HECW2: variants seen among roughly 807,000 people sequenced by gnomAD.
HECW2 encodes E3 ubiquitin-protein ligase HECW2.
A neutral mutation model predicts 175.2 loss-of-function variants in HECW2; 61 were observed. The ratio of observed to expected loss-of-function variants is 0.35; its 90% CI spans 0.28 to 0.43. HECW2 has a LOEUF of 0.43. Ranked by LOEUF, HECW2 falls within the 20% of genes least tolerant of loss-of-function variation. HECW2 has a pLI of 1.00. For missense variants in HECW2, 1,524 were observed against 2,000.5 expected (o/e 0.76, Z 4.54); for synonymous variants, 671 against 731.0 (o/e 0.92, Z 1.32).
chr2:196,400,709 A>G (rs1575502814), intron 2 of HECW2, among the ~76,000 whole-genome samples: 1 of 152,072 alleles, frequency 6.6e-6, no homozygotes, highest in East Asian at 1.9e-4. Context: ...CAGAAAGCAT[A>G]TTCTTATAAA....
chr2:196,411,606 G>C (rs767159565), intron 2 of HECW2, among the ~76,000 whole-genome samples: 1 of 152,256 alleles, frequency 6.6e-6, no homozygotes, highest in Non-Finnish European at 1.5e-5. Context: ...GCAGTACTGG[G>C]GCAGTGGGAA....
At chr2:196,561,242 G>A (rs555313431) in intron 1 of HECW2, among the ~76,000 whole-genome samples, 21 of 152,232 alleles carry the variant, frequency 1.4e-4, no homozygotes, top group Non-Finnish European at 2.5e-4. Flanking sequence ...GCAGATAAGG[G>A]ATAAAACACG....
At chr2:196,349,820 G>A (rs1693106773) in intron 2 of HECW2, among the ~76,000 whole-genome samples, 1 of 152,084 alleles carries the variant, frequency 6.6e-6, no homozygotes, top group Admixed American at 6.6e-5. Context: ...ATGACACAGA[G>A]AAACTTCTCA....
intron 1 of HECW2, among the ~76,000 whole-genome samples, chr2:196,589,795 T>C (rs1691119022): frequency 6.6e-6 from 1 of 152,218 alleles, no homozygotes; most frequent in South Asian, 2.1e-4. Flanking sequence ...CTCTCCCAAA[T>C]CAAAGGATTT....
At chr2:196,382,229 G>GTA (rs67160836) in intron 2 of HECW2, among the ~76,000 whole-genome samples, 14 of 90,934 alleles carry the variant, frequency 1.5e-4, no homozygotes, top group African/African-American at 3.8e-4. Context: ...GTGTGTGTGT[G>GTA]TATATATATA....
chr2:196,550,016 A>G (rs375804565), intron 1 of HECW2, among the ~76,000 whole-genome samples: 9 of 152,200 alleles, frequency 5.9e-5, no homozygotes, highest in South Asian at 2.1e-4. Flanking sequence ...AGAATCTTCA[A>G]TGTAACCTGC....
intron 1 of HECW2, among the ~76,000 whole-genome samples, chr2:196,521,121 G>A (rs2125433353): frequency 6.6e-6 from 1 of 151,966 alleles, no homozygotes; most frequent in East Asian, 1.9e-4. Context: ...TACATGGGAA[G>A]AATCAAAGCT....
At chr2:196,271,139 G>C in intron 17 of HECW2, 54 bp downstream of exon 17, 1 of 1,031,824 alleles carries the variant, frequency 9.7e-7, no homozygotes, top group Non-Finnish European at 1.5e-6. Context: ...GTAAAACTAA[G>C]ATTTAATGGT....
In HECW2 at chr2:196,496,408, G is replaced by GTA. The variant is rs3082160; in HGVS notation, c.-35-62952_-35-62951dup. On this transcript the variant is annotated intron_variant, in intron 1 of 28. Transcript: ENST00000644978. ...ACACTGATAAGCTCTTTCCATATAT[G>GTA]TATATATATATATAGTACATATATT... 6.8e-4 allele frequency among the ~76,000 whole-genome samples: 102 copies of GTA among 150,696 alleles called. 1 individual carries two copies. The highest frequency in any genetic ancestry group is 3.0e-3 in the Admixed American group (45 of 15,116).
chr2:196,592,298 G>A (rs951535056), intron 1 of HECW2, among the ~76,000 whole-genome samples: 1 of 152,050 alleles, frequency 6.6e-6, no homozygotes, highest in African/African-American at 2.4e-5. Flanking sequence ...GTTTAATATC[G>A]ATTGAACCCT....
intron 1 of HECW2, among the ~76,000 whole-genome samples, chr2:196,481,558 C>A (rs1191220452): frequency 1.3e-5 from 2 of 152,214 alleles, no homozygotes; most frequent in Non-Finnish European, 2.9e-5. Context: ...ATGGTTCAAG[C>A]CCTCAGGCTT....
At chr2:196,243,044 T>C (rs1188830900) in intron 19 of HECW2, among the ~76,000 whole-genome samples, 5 of 152,148 alleles carry the variant, frequency 3.3e-5, no homozygotes, top group Admixed American at 2.0e-4. Flanking sequence ...TTTAGACACA[T>C]AATTACATAA....
At chr2:196,220,487 G>A (rs1687626807) in intron 25 of HECW2, among the ~76,000 whole-genome samples, 1 of 152,100 alleles carries the variant, frequency 6.6e-6, no homozygotes, top group Admixed American at 6.6e-5. Context: ...ATTTCACATA[G>A]CAAGCATGAG....
At chr2:196,413,488 G>A (rs1311883821) in intron 2 of HECW2, among the ~76,000 whole-genome samples, 2 of 152,100 alleles carry the variant, frequency 1.3e-5, no homozygotes, top group Non-Finnish European at 2.9e-5. Flanking sequence ...TGGGATTACA[G>A]GCACGCACCA....
At chr2:196,438,588 C>G (rs1052894765) in intron 1 of HECW2, among the ~76,000 whole-genome samples, 8 of 152,138 alleles carry the variant, frequency 5.3e-5, no homozygotes, top group African/African-American at 1.7e-4. Context: ...CTCCATTGAT[C>G]AGAAAGACCC....
intron 1 of HECW2, among the ~76,000 whole-genome samples, chr2:196,526,070 T>G (rs1332837051): frequency 3.7e-4 from 20 of 53,430 alleles, no homozygotes; most frequent in African/African-American, 1.5e-3. Flanking sequence ...TCCTGCAGAG[T>G]GTTTTCCAAC....
At chr2:196,547,285 A>G (rs1467153533) in intron 1 of HECW2, among the ~76,000 whole-genome samples, 2 of 152,170 alleles carry the variant, frequency 1.3e-5, no homozygotes, top group African/African-American at 4.8e-5. Context: ...GGACTCAAGA[A>G]CAGGACCCTA....
At chr2:196,277,268 T>G (rs1300896351) in intron 15 of HECW2, among the ~76,000 whole-genome samples, 2 of 152,238 alleles carry the variant, frequency 1.3e-5, no homozygotes, top group Non-Finnish European at 2.9e-5. Context: ...CAGTTTTTAG[T>G]AATTCTTAGT....
intron 14 of HECW2, among the ~76,000 whole-genome samples, chr2:196,281,502 T>C (rs59852668): frequency 0.16 from 24,831 of 151,642 alleles, 2,171 homozygotes; most frequent in Middle Eastern, 0.23. Context: ...TCCGGGCATG[T>C]GGTGGCAGAC....
Sources: gnomAD v4.1 joint callset for allele counts (sites outside exome capture counted in the v4.1 genomes callset) on GRCh38, gnomAD v4.1.1 for gene constraint, MANE v1.5 for transcripts, NCBI Gene and HGNC (gene_info 2026-07-23, HGNC 2026-07-21) for gene names.